Variants in MICAL2 observed in about 807,000 individuals in gnomAD.
The protein encoded by MICAL2 is microtubule associated monooxygenase, calponin and LIM domain containing 2, also known as [F-actin]-monooxygenase MICAL2.
In MICAL2, 77 loss-of-function variants were observed where a neutral mutation model predicts 127.3. That is an observed-to-expected ratio of 0.60 (90% CI 0.50 to 0.73). The LOEUF is 0.73. Ranked by LOEUF, MICAL2 falls within the 30% of genes least tolerant of loss-of-function variation. The pLI is 0.00. For synonymous variants in MICAL2, 570 were observed against 551.1 expected (o/e 1.03, Z -0.48); for missense variants, 1,351 against 1,434.4 (o/e 0.94, Z 0.94).
At chr11:12,292,418 C>T (rs1369307092), downstream of MICAL2, 36 of 1,071,572 alleles carry the variant, frequency 3.4e-5, no homozygotes, top group East Asian at 1.7e-4. Context: ...GCAAAGCCAG[C>T]GCCAGAAGAT....
intron 1 of MICAL2, chr11:12,116,557 T>C (rs1234009715): frequency 1.3e-5 from 2 of 152,050 alleles, no homozygotes; most frequent in Non-Finnish European, 2.9e-5. Context: ...GTTTCTGTTT[T>C]CCTCCCTACA....
intron 26 of MICAL2, chr11:12,262,171 C>G (rs1653391100): frequency 7.9e-7 from 1 of 1,261,320 alleles, no homozygotes. Context: ...ATGAATGCCT[C>G]TAGGCCTCCG....
chr11:12,292,546 T>C (rs529825065), downstream of MICAL2, among the ~76,000 whole-genome samples: 15 of 152,304 alleles, frequency 9.8e-5, no homozygotes, highest in South Asian at 4.2e-4. Context: ...TTACAGGGTT[T>C]AGACTCCATG....
At chr11:12,348,624 T>G (rs1938995262) in intron 32 of MICAL2, among the ~76,000 whole-genome samples, 1 of 152,174 alleles carries the variant, frequency 6.6e-6, no homozygotes, top group African/African-American at 2.4e-5. Context: ...GGCAATGAAC[T>G]AGGCATATTA....
At chr11:12,119,405 A>G (rs535337883) in intron 1 of MICAL2, among the ~76,000 whole-genome samples, 3 of 152,178 alleles carry the variant, frequency 2.0e-5, no homozygotes, top group Non-Finnish European at 4.4e-5. Flanking sequence ...TGCTCTATCC[A>G]TTATGAAACC....
chr11:12,221,872 A>C, intron 10 of MICAL2, 113 bp downstream of exon 10: 1 of 725,320 alleles, frequency 1.4e-6, no homozygotes, highest in East Asian at 2.8e-5. Context: ...TGCCTCCTCC[A>C]TTCTACCTTC....
At position 12,215,189 on chromosome 11, in the gene MICAL2, C is replaced by T. The variant is rs554293717; in HGVS notation, c.848-1030C>T. Among the ~76,000 whole-genome samples the T allele has an allele frequency of 7.2e-5, 11 of 152,324 alleles. No individual in the cohort carries two copies. In the South Asian group the frequency reaches 2.3e-3, roughly 32 times the overall value. ...GCAGGACATTGAGTGGGTTTTTCCA[C>T]GTTTCAGTGAACTTCCTTGAAACTT... On this transcript the variant is annotated intron_variant, in intron 7 of 27. Coordinates refer to ENST00000683283, the MANE Select transcript of MICAL2 (RefSeq NM_001282663.2).
intron 2 of MICAL2, among the ~76,000 whole-genome samples, chr11:12,143,369 A>G (rs1236215865): frequency 6.6e-6 from 1 of 152,204 alleles, no homozygotes; most frequent in Non-Finnish European, 1.5e-5. Flanking sequence ...TCAGAAGTAG[A>G]CTGTCAAGGG....
chr11:12,163,969 T>A (rs186614794), intron 3 of MICAL2, among the ~76,000 whole-genome samples: 1 of 152,252 alleles, frequency 6.6e-6, no homozygotes. Flanking sequence ...TATTAGGGAA[T>A]GCTATTGCCC....
At chr11:12,316,874 T>C (rs911940608) in intron 29 of MICAL2, among the ~76,000 whole-genome samples, 2 of 152,218 alleles carry the variant, frequency 1.3e-5, no homozygotes, top group African/African-American at 4.8e-5. Context: ...GGTGAATCTA[T>C]AATAACCTTT....
chr11:12,345,258 T>A (rs1035620699), intron 32 of MICAL2, among the ~76,000 whole-genome samples: 1 of 152,132 alleles, frequency 6.6e-6, no homozygotes, highest in Non-Finnish European at 1.5e-5. Context: ...AGTTGCAAGG[T>A]TTGTAGTGCC....
rs540147100 is a variant in MICAL2 at position 12,341,574 on chromosome 11, C to A, written c.5516-8264C>A. ...CGGCGCGGTGGCTTATGCCTCTAATCCCAGCACTTTGGGAGGCCAAGACAG... is the reference window on the plus strand; with the variant it reads ...CGGCGCGGTGGCTTATGCCTCTAATACCAGCACTTTGGGAGGCCAAGACAG... On this transcript the variant is annotated intron_variant, in intron 32 of 34. Transcript: ENST00000646065. Among the ~76,000 whole-genome samples, 4 of 152,224 alleles carry A rather than the reference C, an allele frequency of 2.6e-5. No homozygotes were observed. The South Asian group carries it at 8.3e-4, about 32-fold the overall frequency.
chr11:12,220,598 C>A, intron 9 of MICAL2, 140 bp downstream of exon 9: 1 of 1,237,200 alleles, frequency 8.1e-7, no homozygotes, highest in Non-Finnish European at 1.1e-6. Flanking sequence ...AAGCCTGTCC[C>A]GGCCTCAGAG....
chr11:12,233,662 C>T (rs1388970001), intron 15 of MICAL2, among the ~76,000 whole-genome samples: 1 of 152,120 alleles, frequency 6.6e-6, no homozygotes, highest in Non-Finnish European at 1.5e-5. Context: ...TCTTTCAAAT[C>T]ATTGGGAAAT....
chr11:12,143,984 G>A (rs1323101878), intron 2 of MICAL2, among the ~76,000 whole-genome samples: 1 of 151,924 alleles, frequency 6.6e-6, no homozygotes, highest in Non-Finnish European at 1.5e-5. Context: ...TTGTCTCCTG[G>A]GCGTGGTTGT....
intron 8 of MICAL2, among the ~76,000 whole-genome samples, chr11:12,219,625 C>T (rs1412241127): frequency 1.3e-5 from 2 of 151,470 alleles, no homozygotes; most frequent in East Asian, 1.9e-4. Context: ...GAGAGGTTTC[C>T]CATTTTCTTT....
chr11:12,273,011 G>A (rs192533717), upstream of MICAL2, among the ~76,000 whole-genome samples: 8 of 152,340 alleles, frequency 5.3e-5, no homozygotes, highest in East Asian at 3.9e-4. Flanking sequence ...AAGTCACAGC[G>A]TAAAGCGCAA....
chr11:12,241,664 G>A (rs1040166563), intron 18 of MICAL2, among the ~76,000 whole-genome samples: 3 of 152,220 alleles, frequency 2.0e-5, no homozygotes, highest in African/African-American at 7.2e-5. Context: ...ATGGCTTATG[G>A]CAGGTAGTGC....
chr11:12,187,987 G>A (rs1858539590), intron 3 of MICAL2, among the ~76,000 whole-genome samples: 1 of 152,158 alleles, frequency 6.6e-6, no homozygotes, highest in South Asian at 2.1e-4. Flanking sequence ...CCACTGTTCA[G>A]TGTTGCTTTT....
Sources: gnomAD v4.1 joint callset for allele counts (sites outside exome capture counted in the v4.1 genomes callset) on GRCh38, gnomAD v4.1.1 for gene constraint, MANE v1.5 for transcripts, NCBI Gene and HGNC (gene_info 2026-07-23, HGNC 2026-07-21) for gene names.